Variants in PHKB observed in about 807,000 individuals in gnomAD.
The protein encoded by PHKB is phosphorylase b kinase regulatory subunit beta.
A neutral mutation model predicts 152.1 loss-of-function variants in PHKB; 122 were observed. The observed-to-expected ratio is 0.80, with a 90% confidence interval of 0.69 to 0.93. PHKB has a LOEUF of 0.93. PHKB is among the 40% of genes least tolerant of loss of function. The probability of loss-of-function intolerance (pLI) is 0.00; values close to 1 mark genes in which losing one functional copy is unlikely to be tolerated. For missense variants in PHKB, 1,304 were observed against 1,328.4 expected (o/e 0.98, Z 0.29); for synonymous variants, 436 against 464.9 (o/e 0.94, Z 0.80).
chr16:47,595,215 T>C (rs1972097432), intron 12 of PHKB, among the ~76,000 whole-genome samples: 1 of 152,206 alleles, frequency 6.6e-6, no homozygotes, highest in Non-Finnish European at 1.5e-5. Context: ...TAGTTTAATG[T>C]ACCTCACTTC....
chr16:47,594,886 G>A (rs1972091432), intron 12 of PHKB, among the ~76,000 whole-genome samples: 1 of 152,136 alleles, frequency 6.6e-6, no homozygotes, highest in Admixed American at 6.6e-5. Context: ...GACAATCACA[G>A]CAGTGAGCCC....
chr16:47,518,669 A>T (rs185009271), intron 6 of PHKB, among the ~76,000 whole-genome samples: 1 of 152,132 alleles, frequency 6.6e-6, no homozygotes, highest in African/African-American at 2.4e-5. Context: ...CTCATTTTTT[A>T]TTAAAAATAA....
chr16:47,487,795 G>C (rs1001133191), intron 1 of PHKB, among the ~76,000 whole-genome samples: 1 of 152,122 alleles, frequency 6.6e-6, no homozygotes, highest in African/African-American at 2.4e-5. Flanking sequence ...ATGGCTGCAT[G>C]GTATTTCATG....
At chr16:47,498,234 C>T (rs56776618) in intron 2 of PHKB, among the ~76,000 whole-genome samples, 6 of 152,110 alleles carry the variant, frequency 3.9e-5, no homozygotes, top group African/African-American at 1.4e-4. Flanking sequence ...ATTAAGTTGC[C>T]CATTTTATTA....
intron 4 of PHKB, among the ~76,000 whole-genome samples, chr16:47,504,406 A>G (rs1027128958): frequency 2.6e-5 from 4 of 152,232 alleles, no homozygotes; most frequent in Non-Finnish European, 5.9e-5. Flanking sequence ...GGTGTGTAGT[A>G]TCAACCATAT....
At chr16:47,504,072 A>G (rs991513930) in intron 4 of PHKB, among the ~76,000 whole-genome samples, 3 of 152,120 alleles carry the variant, frequency 2.0e-5, no homozygotes, top group African/African-American at 7.2e-5. Flanking sequence ...GACTCACATG[A>G]CTCATCAGAT....
intron 10 of PHKB, among the ~76,000 whole-genome samples, chr16:47,589,570 C>T (rs1052913509): frequency 2.0e-5 from 3 of 152,116 alleles, no homozygotes; most frequent in South Asian, 4.1e-4. Flanking sequence ...TCCATCTTCC[C>T]TTATCTGTTT....
chr16:47,466,123 C>T (rs1365973820), intron 1 of PHKB, among the ~76,000 whole-genome samples: 1 of 152,102 alleles, frequency 6.6e-6, no homozygotes, highest in Non-Finnish European at 1.5e-5. Context: ...TCTGTGTGTG[C>T]ATACTTGAGT....
At chr16:47,608,385 T>G (rs1370966559) in intron 13 of PHKB, among the ~76,000 whole-genome samples, 1 of 152,240 alleles carries the variant, frequency 6.6e-6, no homozygotes, top group African/African-American at 2.4e-5. Flanking sequence ...CTTCATTCTT[T>G]TGCATTTGAA....
chr16:47,475,982 C>T (rs919666325), intron 1 of PHKB, among the ~76,000 whole-genome samples: 2 of 152,164 alleles, frequency 1.3e-5, no homozygotes, highest in Non-Finnish European at 2.9e-5. Flanking sequence ...ATCTTCTTGC[C>T]TCAGCCTCAT....
intron 1 of PHKB, among the ~76,000 whole-genome samples, chr16:47,466,472 G>A (rs550303357): frequency 1.3e-5 from 2 of 152,144 alleles, no homozygotes; most frequent in Non-Finnish European, 2.9e-5. Context: ...GGTAGGAAAC[G>A]GCTTGGCATT....
At position 47,601,531 on chromosome 16, in the gene PHKB, C is replaced by G. The variant is rs376896162; in HGVS notation, c.1363+5000C>G. On this transcript the variant is annotated intron_variant, in intron 13 of 30. Transcript: ENST00000323584. ...CTATCCTGGCTAACACAGTGAAACC[C>G]CATCTCTACTAAAAATACAAAAAAT... Among the ~76,000 whole-genome samples the G allele has an allele frequency of 5.9e-5, 9 of 151,830 alleles. No homozygotes were observed. In the South Asian group the frequency reaches 6.2e-4, roughly 11 times the overall value.
intron 20 of PHKB, among the ~76,000 whole-genome samples, chr16:47,659,574 C>T (rs1347933176): frequency 6.6e-6 from 1 of 152,122 alleles, no homozygotes; most frequent in Non-Finnish European, 1.5e-5. Flanking sequence ...GAACCACTGA[C>T]AAACACAAAC....
intron 26 of PHKB, among the ~76,000 whole-genome samples, chr16:47,676,828 A>C (rs149035781): frequency 6.6e-6 from 1 of 152,204 alleles, no homozygotes; most frequent in African/African-American, 2.4e-5. Context: ...TGACAGGCCC[A>C]TTACTGTAAA....
chr16:47,463,632 C>G (rs1313472461), intron 1 of PHKB: 1 of 389,644 alleles, frequency 2.6e-6, no homozygotes, highest in Non-Finnish European at 4.8e-6. Flanking sequence ...ATAATTACTT[C>G]ACTGCACAAC....
At chr16:47,465,181 A>G (rs1028221813) in intron 1 of PHKB, among the ~76,000 whole-genome samples, 4 of 152,352 alleles carry the variant, frequency 2.6e-5, no homozygotes, top group East Asian at 1.9e-4. Flanking sequence ...TAACAATGCC[A>G]ATTGATTTCT....
intron 26 of PHKB, among the ~76,000 whole-genome samples, chr16:47,682,057 G>C (rs574300799): frequency 6.6e-6 from 1 of 152,280 alleles, no homozygotes; most frequent in Middle Eastern, 3.4e-3. Flanking sequence ...ATTCTGGGTT[G>C]AAAATTCTTT....
At chr16:47,584,786 C>A (rs1239548018) in intron 8 of PHKB, among the ~76,000 whole-genome samples, 1 of 152,160 alleles carries the variant, frequency 6.6e-6, no homozygotes, top group Non-Finnish European at 1.5e-5. Flanking sequence ...ATAGGTAGAT[C>A]CAATGACCAG....
At chr16:47,534,413 A>G (rs557782336) in intron 6 of PHKB, among the ~76,000 whole-genome samples, 8 of 152,322 alleles carry the variant, frequency 5.3e-5, no homozygotes, top group East Asian at 1.9e-4. Flanking sequence ...CATGATGTCA[A>G]AATGATTGGG....
Sources: allele counts gnomAD v4.1 joint callset (sites outside exome capture counted in the v4.1 genomes callset), GRCh38; gene constraint gnomAD v4.1.1; transcripts MANE v1.5; gene names NCBI Gene and HGNC (gene_info 2026-07-23, HGNC 2026-07-21).